The following SLC37A1 variants were observed in gnomAD, a reference collection of about 807,000 sequenced individuals.
SLC37A1 encodes glucose-6-phosphate exchanger SLC37A1.
In SLC37A1, 49 loss-of-function variants were observed where a neutral mutation model predicts 75.3. That is an observed-to-expected ratio of 0.65 (90% CI 0.52 to 0.83). The LOEUF is 0.83. Ranked by LOEUF, SLC37A1 falls within the 40% of genes least tolerant of loss-of-function variation. SLC37A1 has a pLI of 0.00. For synonymous variants in SLC37A1, 268 were observed against 292.1 expected (o/e 0.92, Z 0.84); for missense variants, 566 against 695.0 (o/e 0.81, Z 2.09).
At position 42,547,527 on chromosome 21, in the gene SLC37A1, G is replaced by A. The variant is rs564502403; in HGVS notation, c.768+387G>A. ...TGGTGGCTGCACGTCTCAGGTGGCC[G>A]AGAGGTCTGCCCAGCACGCCATTCC... On this transcript the variant is annotated intron_variant, in intron 9 of 19. Transcript: ENST00000352133. The surrounding 1 kb of genome is among the most constrained non-coding windows in gnomAD (Gnocchi z 6.1). The A allele has an allele frequency of 4.5e-5, 10 of 220,608 alleles. No individual in the cohort carries two copies. Among genetic ancestry groups the A allele is most frequent in the Non-Finnish European group, 6.4e-5 (7 of 109,858 alleles). 13.7% of individuals were successfully genotyped at this position (220,608 alleles called of 1,614,324 possible).
chr21:42,573,204 A>G (rs1371485287), intron 17 of SLC37A1, among the ~76,000 whole-genome samples: 1 of 152,166 alleles, frequency 6.6e-6, no homozygotes, highest in Non-Finnish European at 1.5e-5. Flanking sequence ...ATCAGTGAGG[A>G]TGAGAAAAGA....
rs563478633 is a variant in SLC37A1, at chr21:42,571,497, CTTA to C, written c.1423+3064_1423+3066del. Among the ~76,000 whole-genome samples the C allele has an allele frequency of 2.2e-3, 342 of 152,320 alleles. 3 individuals carry two copies. Among genetic ancestry groups the C allele is most frequent in the Admixed American group, 4.1e-3 (63 of 15,304 alleles). On this transcript the variant is annotated intron_variant, in intron 17 of 19. Coordinates refer to ENST00000352133, the MANE Select transcript of SLC37A1 (RefSeq NM_001320537.2). Reference sequence around the variant, plus strand: ...CTTAGAAGCTAGACAGTCCTACAAGCTTATTATGTTGTACAGCGGCGTTCCGTC... The same window carrying C: ...CTTAGAAGCTAGACAGTCCTACAAGCTTATGTTGTACAGCGGCGTTCCGTC...
At position 42,548,000 on chromosome 21, in the gene SLC37A1, G is replaced by A. The variant is rs1416827849; in HGVS notation, c.768+860G>A. On this transcript the variant is annotated intron_variant, in intron 9 of 19. Coordinates refer to ENST00000352133, the MANE Select transcript of SLC37A1 (RefSeq NM_001320537.2). This position sits in a 1 kb window ranked among gnomAD's most constrained non-coding sequence, Gnocchi z 6.1. The stretch of plus-strand genomic sequence containing the variant: ...CTGGCCTCACCCTGCTGGGCCCGTC[G>A]CCCGCGTCTGACCCAATGCTTCCCT... Among the ~76,000 whole-genome samples, 6 of 152,122 alleles carry A rather than the reference G, an allele frequency of 3.9e-5. No individual in the cohort carries two copies. In the East Asian group the frequency reaches 9.6e-4, roughly 24 times the overall value.
chr21:42,575,292 G>C (rs2056282554), intron 18 of SLC37A1: 3 of 985,402 alleles, frequency 3.0e-6, no homozygotes, highest in Non-Finnish European at 3.6e-6. Flanking sequence ...ATTGTTGTGG[G>C]AATTAAAGCA....
At position 42,530,452 on chromosome 21, in the gene SLC37A1, T is replaced by C. The variant is rs138306813; in HGVS notation, c.139-4246T>C. ...CCTACTTTTGGTACCAAAACTGTAA[T>C]TGCTCTTCCAGGACTTAGATAATGC... On this transcript the variant is annotated intron_variant, in intron 3 of 19. Transcript: ENST00000352133. 4.6e-3 allele frequency among the ~76,000 whole-genome samples: 699 copies of C among 152,250 alleles called. 6 individuals are homozygous for C. The highest frequency in any genetic ancestry group is 0.015 in the African/African-American group (643 of 41,550).
At chr21:42,536,368 A>G (rs1569003506) in intron 5 of SLC37A1, among the ~76,000 whole-genome samples, 1 of 152,234 alleles carries the variant, frequency 6.6e-6, no homozygotes, top group Non-Finnish European at 1.5e-5. Flanking sequence ...AGCCCAGCCC[A>G]TTCTTGATCC....
rs1280989816 is a variant in SLC37A1, at chr21:42,570,183, T to TCATGC, written c.1423+1745_1423+1746insCATGC. Among the ~76,000 whole-genome samples, 16 of 51,052 alleles carry TCATGC rather than the reference T, an allele frequency of 3.1e-4. 1 individual carries two copies. Among genetic ancestry groups the TCATGC allele is most frequent in the African/African-American group, 4.2e-4 (7 of 16,608 alleles). The allele number at this position is 51,052 out of a possible 152,430, so 33.5% of individuals were successfully genotyped here. On this transcript the variant is annotated intron_variant, in intron 17 of 19. Coordinates refer to ENST00000352133, the MANE Select transcript of SLC37A1 (RefSeq NM_001320537.2). ...GGCGGGCAGGGTGGCCATTGCCATG[T>TCATGC]GACACATGGCCTGGTTCTGAGAAGC...
At chr21:42,516,741 G>A (rs2054528222) in intron 1 of SLC37A1, among the ~76,000 whole-genome samples, 1 of 152,164 alleles carries the variant, frequency 6.6e-6, no homozygotes, top group Non-Finnish European at 1.5e-5. Flanking sequence ...ATCAGAGTTG[G>A]AGGTTTTTGA....
chr21:42,525,004 G>A (rs144668238), intron 2 of SLC37A1, among the ~76,000 whole-genome samples: 3 of 152,120 alleles, frequency 2.0e-5, no homozygotes, highest in Admixed American at 6.5e-5. Context: ...ACCAGTGGCC[G>A]GTGTTCTGCT....
intron 17 of SLC37A1, among the ~76,000 whole-genome samples, chr21:42,569,796 G>A (rs1480370764): frequency 2.0e-5 from 3 of 152,374 alleles, no homozygotes; most frequent in African/African-American, 4.8e-5. Context: ...ATTCTTTGCT[G>A]TATCCCAGTG....
Position 42,518,332 on chromosome 21 carries a change from C to A in SLC37A1, c.-123C>A. On this transcript the variant is annotated 5_prime_UTR_variant, in exon 2 of 20. Coordinates refer to ENST00000352133, the MANE Select transcript of SLC37A1 (RefSeq NM_001320537.2). ...CAAGACCCAGCAGGACACCTTCTTT[C>A]CACGCTTTCCAGCCTGTGGGAGCGG... The A allele has an allele frequency of 7.9e-7, 1 of 1,268,354 alleles. No homozygotes were observed. The highest frequency in any genetic ancestry group is 1.1e-6 in the Non-Finnish European group (1 of 876,672). 78.6% of individuals were successfully genotyped at this position (1,268,354 alleles called of 1,614,324 possible).
At chr21:42,576,571 C>T (rs561028724) in intron 18 of SLC37A1, among the ~76,000 whole-genome samples, 1 of 152,092 alleles carries the variant, frequency 6.6e-6, no homozygotes, top group Admixed American at 6.5e-5. Flanking sequence ...GAATTGGACT[C>T]CCCCAAAACT....
At chr21:42,515,460 C>T (rs2054506709) in intron 1 of SLC37A1, among the ~76,000 whole-genome samples, 1 of 152,148 alleles carries the variant, frequency 6.6e-6, no homozygotes, top group Non-Finnish European at 1.5e-5. Context: ...GACTGAGGAA[C>T]CTTACTCCTG....
At chr21:42,525,127 A>G (rs1401517357) in intron 2 of SLC37A1, among the ~76,000 whole-genome samples, 13 of 152,220 alleles carry the variant, frequency 8.5e-5, no homozygotes, top group Non-Finnish European at 1.9e-4. Context: ...TGGCGAGGGC[A>G]CAGCAGCTCC....
intron 17 of SLC37A1, among the ~76,000 whole-genome samples, chr21:42,571,782 G>GT (rs1365635717): frequency 2.2e-5 from 3 of 136,438 alleles, no homozygotes; most frequent in Non-Finnish European, 3.1e-5. Flanking sequence ...GATACATCTT[G>GT]TTTTTTCCCG....
intron 18 of SLC37A1, 71 bp downstream of exon 18, chr21:42,574,986 G>T: frequency 6.3e-7 from 1 of 1,595,830 alleles, no homozygotes; most frequent in South Asian, 1.1e-5. Flanking sequence ...AACACTGGTG[G>T]AACTTTCTCC....
At chr21:42,536,231 A>G (rs1601703729) in intron 5 of SLC37A1, among the ~76,000 whole-genome samples, 1 of 152,194 alleles carries the variant, frequency 6.6e-6, no homozygotes, top group Admixed American at 6.5e-5. Context: ...GCAAGTTACT[A>G]TACCTCTTTG....
intron 11 of SLC37A1, among the ~76,000 whole-genome samples, chr21:42,560,195 C>G (rs1403782439): frequency 1.3e-5 from 2 of 152,230 alleles, no homozygotes; most frequent in African/African-American, 2.4e-5. Flanking sequence ...GATGGACTCT[C>G]TCAGCAGAGA....
rs2055446886 is a variant in SLC37A1, at chr21:42,547,705, T to A, written c.768+565T>A. On this transcript the variant is annotated intron_variant, in intron 9 of 19. Coordinates refer to ENST00000352133, the MANE Select transcript of SLC37A1 (RefSeq NM_001320537.2). This position sits in a 1 kb window ranked among gnomAD's most constrained non-coding sequence, Gnocchi z 6.1. ...TTTCCCACCTGGCTAAGGCCAGCCC[T>A]CCCGCGGTACCGGTCCCCTCCCTCT... The A allele has an allele frequency of 6.5e-6, 1 of 154,834 alleles. No homozygotes were observed. The highest frequency in any genetic ancestry group is 1.4e-5 in the Non-Finnish European group (1 of 70,010). The allele number at this position is 154,834 out of a possible 1,614,324, so 9.6% of individuals were successfully genotyped here.
Sources: gnomAD v4.1 joint callset for allele counts (sites outside exome capture counted in the v4.1 genomes callset) on GRCh38, gnomAD v4.1.1 for gene constraint, Gnocchi (gnomAD v3.1) non-coding constraint, MANE v1.5 for transcripts, NCBI Gene and HGNC (gene_info 2026-07-23, HGNC 2026-07-21) for gene names.